FHIT: variants seen among roughly 807,000 people sequenced by gnomAD.
FHIT encodes the protein bis(5'-adenosyl)-triphosphatase.
In FHIT, 19 loss-of-function variants were observed where a neutral mutation model predicts 17.9. That is an observed-to-expected ratio of 1.06 (90% CI 0.74 to 1.56). The LOEUF (loss-of-function observed/expected upper bound fraction) is 1.56. Ranked by LOEUF, FHIT falls within the 40% of genes most tolerant of loss-of-function variation. The pLI, the probability that FHIT is intolerant of heterozygous loss-of-function variation, is 0.00. For synonymous variants in FHIT, 81 were observed against 69.7 expected (o/e 1.16, Z -0.81); for missense variants, 248 against 189.2 (o/e 1.31, Z -1.82).
chr3:59,883,243 A>G (rs1299129922), intron 8 of FHIT, among the ~76,000 whole-genome samples: 1 of 152,194 alleles, frequency 6.6e-6, no homozygotes, highest in Non-Finnish European at 1.5e-5. Context: ...ATGTCACTAC[A>G]TTTTACTATT....
At chr3:60,675,620 G>A (rs962032004) in intron 4 of FHIT, among the ~76,000 whole-genome samples, 27 of 152,132 alleles carry the variant, frequency 1.8e-4, no homozygotes, top group African/African-American at 6.3e-4. Flanking sequence ...TTATGTATTG[G>A]TTGCACCTGA....
At chr3:60,562,367 T>C (rs753359650) in intron 4 of FHIT, among the ~76,000 whole-genome samples, 1 of 152,042 alleles carries the variant, frequency 6.6e-6, no homozygotes, top group Non-Finnish European at 1.5e-5. Context: ...GATAATGCCA[T>C]TGAGAGTGAG....
At chr3:60,645,930 A>C (rs1360186799) in intron 4 of FHIT, among the ~76,000 whole-genome samples, 2 of 152,196 alleles carry the variant, frequency 1.3e-5, no homozygotes, top group Non-Finnish European at 2.9e-5. Flanking sequence ...GATTCAAATA[A>C]ATAAAACCTA....
At chr3:60,652,920 A>AAACAC (rs2040027898) in intron 4 of FHIT, among the ~76,000 whole-genome samples, 1 of 114,896 alleles carries the variant, frequency 8.7e-6, no homozygotes, top group South Asian at 3.1e-4. Flanking sequence ...AAACAAAACA[A>AAACAC]AACAAAACAA....
chr3:60,024,990 T>C (rs1006588859), intron 5 of FHIT, among the ~76,000 whole-genome samples: 7 of 152,156 alleles, frequency 4.6e-5, no homozygotes, highest in African/African-American at 1.7e-4. Context: ...GCAGTAGAGA[T>C]GCAGAGAATT....
intron 7 of FHIT, among the ~76,000 whole-genome samples, chr3:60,001,379 C>T (rs1474973583): frequency 2.0e-5 from 3 of 152,150 alleles, no homozygotes; most frequent in South Asian, 2.1e-4. Flanking sequence ...ACAAGGACTA[C>T]GTCTCATTCT....
chr3:60,778,357 G>A (rs1238000213), intron 4 of FHIT, among the ~76,000 whole-genome samples: 2 of 152,152 alleles, frequency 1.3e-5, no homozygotes, highest in Non-Finnish European at 2.9e-5. Flanking sequence ...GACTTTGACA[G>A]GTGCTTTCAA....
intron 4 of FHIT, among the ~76,000 whole-genome samples, chr3:60,782,400 G>C (rs781957852): frequency 1.3e-5 from 2 of 152,124 alleles, no homozygotes; most frequent in Non-Finnish European, 2.9e-5. Flanking sequence ...CTGGTTCAAG[G>C]GAAATCCAAG....
intron 5 of FHIT, among the ~76,000 whole-genome samples, chr3:60,534,149 C>T (rs544594917): frequency 1.8e-4 from 28 of 151,380 alleles, no homozygotes; most frequent in African/African-American, 5.8e-4. Context: ...TCTCCCAGGC[C>T]GGGCGCGGTG....
intron 4 of FHIT, among the ~76,000 whole-genome samples, chr3:60,657,371 G>T (rs1553689892): frequency 6.6e-6 from 1 of 152,154 alleles, no homozygotes; most frequent in Non-Finnish European, 1.5e-5. Flanking sequence ...AATGCCAATA[G>T]ATCCCCCTTG....
At chr3:59,978,165 C>T (rs942718294) in intron 7 of FHIT, among the ~76,000 whole-genome samples, 1 of 152,060 alleles carries the variant, frequency 6.6e-6, no homozygotes, top group African/African-American at 2.4e-5. Context: ...AGGCCTAAAA[C>T]AGGCAAAGTA....
intron 4 of FHIT, among the ~76,000 whole-genome samples, chr3:60,592,833 G>T (rs141259569): frequency 6.6e-6 from 1 of 152,230 alleles, no homozygotes; most frequent in East Asian, 1.9e-4. Context: ...TGAGTCTGGA[G>T]AGAGTGAGTA....
chr3:60,187,130 T>C (rs749134331), intron 5 of FHIT, among the ~76,000 whole-genome samples: 1 of 152,166 alleles, frequency 6.6e-6, no homozygotes, highest in African/African-American at 2.4e-5. Flanking sequence ...TACATTGTGA[T>C]TCATTTTCAT....
intron 7 of FHIT, among the ~76,000 whole-genome samples, chr3:59,932,633 A>G (rs1328928240): frequency 6.6e-6 from 1 of 152,198 alleles, no homozygotes; most frequent in Non-Finnish European, 1.5e-5. Context: ...AGTAATCACA[A>G]TCAATTAAGA....
intron 2 of FHIT, among the ~76,000 whole-genome samples, chr3:61,056,727 G>C (rs967125561): frequency 6.6e-6 from 1 of 152,092 alleles, no homozygotes; most frequent in African/African-American, 2.4e-5. Flanking sequence ...CATGTTCTTA[G>C]GGATCTGAAT....
chr3:61,034,946 C>A (rs1333600523), intron 3 of FHIT, among the ~76,000 whole-genome samples: 2 of 152,244 alleles, frequency 1.3e-5, no homozygotes, highest in East Asian at 1.9e-4. Context: ...CCATACAATG[C>A]AATATTATTC....
chr3:60,068,417 C>A (rs1014518421), intron 5 of FHIT, among the ~76,000 whole-genome samples: 6 of 152,092 alleles, frequency 3.9e-5, no homozygotes, highest in African/African-American at 1.4e-4. Flanking sequence ...ATCTTGAGAA[C>A]AAGAAAAGAG....
At chr3:60,562,554 T>C (rs1219894810) in intron 4 of FHIT, among the ~76,000 whole-genome samples, 4 of 152,194 alleles carry the variant, frequency 2.6e-5, no homozygotes, top group African/African-American at 9.6e-5. Context: ...TGACTATTAT[T>C]AGGAAAATAA....
chr3:60,468,607 T>C (rs983278484), intron 5 of FHIT, among the ~76,000 whole-genome samples: 1 of 152,128 alleles, frequency 6.6e-6, no homozygotes, highest in Admixed American at 6.5e-5. Context: ...TTTTTAACTT[T>C]TTGTTGTTTC....
Sources: gnomAD v4.1 joint callset for allele counts (sites outside exome capture counted in the v4.1 genomes callset) on GRCh38, gnomAD v4.1.1 for gene constraint, MANE v1.5 for transcripts, NCBI Gene and HGNC (gene_info 2026-07-23, HGNC 2026-07-21) for gene names.